Variants in MSI2 observed in about 807,000 individuals in gnomAD.
MSI2 encodes the protein musashi RNA binding protein 2.
A neutral mutation model predicts 45.6 loss-of-function variants in MSI2; 17 were observed. That is an observed-to-expected ratio of 0.37 (90% CI 0.26 to 0.56). MSI2 has a LOEUF of 0.56. Among genes scored for constraint, MSI2 ranks in the 20% least tolerant of loss-of-function variants. MSI2 has a pLI of 0.77. For missense variants in MSI2, 293 were observed against 444.2 expected (o/e 0.66, Z 3.06); for synonymous variants, 156 against 158.2 (o/e 0.99, Z 0.11).
chr17:57,372,069 A>C (rs2083429354), intron 5 of MSI2, among the ~76,000 whole-genome samples: 1 of 152,150 alleles, frequency 6.6e-6, no homozygotes, highest in African/African-American at 2.4e-5. Flanking sequence ...AATTTAAAAA[A>C]AATTACTGTT....
At chr17:57,313,126 T>C (rs1413219101) in intron 5 of MSI2, among the ~76,000 whole-genome samples, 6 of 152,326 alleles carry the variant, frequency 3.9e-5, no homozygotes, top group African/African-American at 1.4e-4. Flanking sequence ...ATTACAGTCG[T>C]GAGCCACTGC....
chr17:57,644,274 T>C (rs868315216), intron 10 of MSI2, among the ~76,000 whole-genome samples: 2 of 149,894 alleles, frequency 1.3e-5, no homozygotes, highest in South Asian at 4.3e-4. Flanking sequence ...AATGTGACAG[T>C]CTGATCATGT....
chr17:57,688,423 T>A (rs1427648719), downstream of MSI2, among the ~76,000 whole-genome samples: 1 of 152,046 alleles, frequency 6.6e-6, no homozygotes, highest in Non-Finnish European at 1.5e-5. Flanking sequence ...AAGGATAAAC[T>A]TTATAAGAGA....
chr17:57,688,256 A>G (rs1913920415), downstream of MSI2, among the ~76,000 whole-genome samples: 1 of 152,100 alleles, frequency 6.6e-6, no homozygotes, highest in Non-Finnish European at 1.5e-5. Context: ...GAAATTTTAA[A>G]AGACTGCAGT....
intron 8 of MSI2, among the ~76,000 whole-genome samples, chr17:57,610,377 G>A (rs142617754): frequency 3.3e-5 from 5 of 152,192 alleles, no homozygotes; most frequent in African/African-American, 4.8e-5. Context: ...ACTTGAACCC[G>A]GGAGGCGGAG....
intron 5 of MSI2, among the ~76,000 whole-genome samples, chr17:57,277,124 G>A (rs1908938309): frequency 6.8e-6 from 1 of 147,224 alleles, no homozygotes; most frequent in South Asian, 2.1e-4. Flanking sequence ...AGCAGGATCT[G>A]GGCTCACTGC....
intron 13 of MSI2, among the ~76,000 whole-genome samples, chr17:57,677,614 G>GT (rs950957386): frequency 6.6e-6 from 1 of 152,150 alleles, no homozygotes; most frequent in African/African-American, 2.4e-5. Context: ...AAAAGAAAAC[G>GT]TTTTTGCCAG....
intron 9 of MSI2, among the ~76,000 whole-genome samples, chr17:57,624,953 C>G (rs534972334): frequency 2.2e-4 from 34 of 152,126 alleles, no homozygotes; most frequent in Non-Finnish European, 4.9e-4. Flanking sequence ...GTTCTGGAGG[C>G]TGGGAAGTAA....
At chr17:57,538,915 A>G (rs2086980539) in intron 7 of MSI2, among the ~76,000 whole-genome samples, 1 of 152,176 alleles carries the variant, frequency 6.6e-6, no homozygotes. Context: ...CTTCTCTGCA[A>G]CTCAGATTCC....
intron 6 of MSI2, among the ~76,000 whole-genome samples, chr17:57,421,237 C>T (rs936011875): frequency 5.3e-5 from 8 of 152,260 alleles, no homozygotes; most frequent in East Asian, 1.9e-4. Context: ...TTAATGTCCA[C>T]GCTTAATGGC....
intron 6 of MSI2, among the ~76,000 whole-genome samples, chr17:57,478,764 A>G (rs1309809758): frequency 6.6e-6 from 1 of 152,206 alleles, no homozygotes; most frequent in African/African-American, 2.4e-5. Context: ...CATGGGCAAG[A>G]GGCCAAGCCA....
rs1007075581 is a variant in MSI2, at chr17:57,552,014, C to T, written c.454+22290C>T. On this transcript the variant is annotated intron_variant, in intron 7 of 13. Transcript: ENST00000284073. The surrounding 1 kb of genome is among the most constrained non-coding windows in gnomAD (Gnocchi z 4.3). ...AAAGGGTTGCCTCCTACTCCACTTGCTGCATAGAGGGGTTTTCTGGAACAG... is the reference window on the plus strand; with the variant it reads ...AAAGGGTTGCCTCCTACTCCACTTGTTGCATAGAGGGGTTTTCTGGAACAG... 1.1e-4 allele frequency among the ~76,000 whole-genome samples: 17 copies of T among 152,188 alleles called. No homozygotes were observed. Among genetic ancestry groups the T allele is most frequent in the Non-Finnish European group, 1.9e-4 (13 of 68,032 alleles).
At chr17:57,691,920 G>A in the MSI2 span, among the ~76,000 whole-genome samples, 1 of 152,154 alleles carries the variant, frequency 6.6e-6, no homozygotes, top group Non-Finnish European at 1.5e-5. Context: ...CTATCTTAAA[G>A]GTAAGTGGTC....
chr17:57,343,824 A>G (rs143853248), intron 5 of MSI2, among the ~76,000 whole-genome samples: 1 of 152,298 alleles, frequency 6.6e-6, no homozygotes. Context: ...AAAGAATACA[A>G]TCCTCCCCCA....
At chr17:57,642,284 C>A (rs913971961) in intron 10 of MSI2, among the ~76,000 whole-genome samples, 3 of 152,172 alleles carry the variant, frequency 2.0e-5, no homozygotes, top group African/African-American at 7.2e-5. Flanking sequence ...GGCAATACCT[C>A]CATTTTCTTT....
chr17:57,340,357 G>A (rs1915028363), intron 5 of MSI2, among the ~76,000 whole-genome samples: 1 of 152,178 alleles, frequency 6.6e-6, no homozygotes, highest in South Asian at 2.1e-4. Context: ...ATTTCCCAGA[G>A]CCTCCACTTC....
chr17:57,386,635 C>T (rs112774794), intron 5 of MSI2, among the ~76,000 whole-genome samples: 51 of 152,254 alleles, frequency 3.3e-4, no homozygotes, highest in Non-Finnish European at 5.3e-4. Flanking sequence ...TGACCATGGT[C>T]CTCCCTTCTG....
intron 6 of MSI2, among the ~76,000 whole-genome samples, chr17:57,426,263 A>G (rs1388424710): frequency 6.6e-6 from 1 of 152,266 alleles, no homozygotes; most frequent in Non-Finnish European, 1.5e-5. Flanking sequence ...TAGACAGGAT[A>G]TAGCTGAAGA....
chr17:57,357,928 C>G (rs1217129568), intron 5 of MSI2, among the ~76,000 whole-genome samples: 1 of 152,110 alleles, frequency 6.6e-6, no homozygotes, highest in Non-Finnish European at 1.5e-5. Flanking sequence ...GATCATCCAG[C>G]CAGGATCTCT....
Sources: allele counts gnomAD v4.1 joint callset (sites outside exome capture counted in the v4.1 genomes callset), GRCh38; gene constraint gnomAD v4.1.1; non-coding constraint Gnocchi (gnomAD v3.1); transcripts MANE v1.5; gene names NCBI Gene and HGNC (gene_info 2026-07-23, HGNC 2026-07-21).